The following HPSE variants were observed in gnomAD, a reference collection of about 807,000 sequenced individuals.
HPSE encodes the protein heparanase.
In HPSE, 48 loss-of-function variants were observed where a neutral mutation model predicts 65.1. The observed-to-expected ratio is 0.74, with a 90% CI of 0.58 to 0.94. HPSE has a LOEUF of 0.94. Among genes scored for constraint, HPSE ranks in the 40% least tolerant of loss-of-function variants. HPSE has a pLI of 0.00. For synonymous variants in HPSE, 243 were observed against 260.0 expected, an observed-to-expected ratio of 0.93 and a Z score of 0.63; for missense variants, 644 against 637.5, an observed-to-expected ratio of 1.01 and a Z score of -0.11.
chr4:83,311,357 C>G (rs191352504), intron 4 of HPSE, among the ~76,000 whole-genome samples: 45 of 151,922 alleles, frequency 3.0e-4, no homozygotes, highest in African/African-American at 1.0e-3. Context: ...ATAAGATACT[C>G]CAGAAAAACA....
chr4:83,311,324 T>A (rs1736367265), intron 4 of HPSE, among the ~76,000 whole-genome samples: 1 of 151,756 alleles, frequency 6.6e-6, no homozygotes, highest in Non-Finnish European at 1.5e-5. Context: ...AATAAATAAG[T>A]AAAGTAAAAC....
chr4:83,302,404 A>AGAT, intron 9 of HPSE, 136 bp from the exon 10 acceptor site: 1 of 587,030 alleles, frequency 1.7e-6, no homozygotes, highest in Admixed American at 3.3e-5. Context: ...AATAGGATTC[A>AGAT]TCTTTTTTTT....
chr4:83,319,796 C>G (rs969249871), intron 2 of HPSE, among the ~76,000 whole-genome samples: 3 of 152,066 alleles, frequency 2.0e-5, no homozygotes, highest in Non-Finnish European at 4.4e-5. Context: ...TGCAGTGGCT[C>G]ACACCTGTAA....
rs749261109 is a variant in HPSE at position 83,306,272 on chromosome 4, C to T, written c.1137G>A (p.Val379=). 127 of 1,613,812 alleles carry T rather than the reference C, an allele frequency of 7.9e-5. No homozygotes were observed. Among genetic ancestry groups the T allele is most frequent in the Non-Finnish European group, 1.0e-4 (121 of 1,179,822 alleles). Residue 379 remains valine, a synonymous_variant, in exon 9 of 12, where the codon GTG becomes GTA. Coordinates refer to ENST00000311412, the MANE Select transcript of HPSE (RefSeq NM_001098540.3). ...CTCCAAAGAATACTTGCCTCATCAC[C>T]ACTTCTATTCCCATTCGGGCTGACA... is the stretch of plus-strand genomic sequence containing the variant. ...LGLSARMGIE[V]VMRQVFFGAG...
chr4:83,328,385 T>C (rs1196463871), intron 1 of HPSE, among the ~76,000 whole-genome samples: 2 of 152,116 alleles, frequency 1.3e-5, no homozygotes, highest in Non-Finnish European at 2.9e-5. Flanking sequence ...CTCCTTGTTA[T>C]AAGGACATCA....
At chr4:83,323,470 C>T (rs763018269) in intron 1 of HPSE, among the ~76,000 whole-genome samples, 9 of 150,476 alleles carry the variant, frequency 6.0e-5, no homozygotes, top group African/African-American at 9.8e-5. Context: ...TTGCTGTGAA[C>T]CTAAAACTGC....
chr4:83,303,657 C>T (rs1158987335), intron 9 of HPSE, among the ~76,000 whole-genome samples: 1 of 152,192 alleles, frequency 6.6e-6, no homozygotes, highest in Non-Finnish European at 1.5e-5. Context: ...TAAAGCGATC[C>T]TCCTGCCTCA....
At chr4:83,310,512 A>T (rs989385401) in intron 5 of HPSE, among the ~76,000 whole-genome samples, 34 of 152,146 alleles carry the variant, frequency 2.2e-4, no homozygotes, top group African/African-American at 2.9e-4. Context: ...CTACAAAAAA[A>T]TTTTTTTAAA....
chr4:83,293,959 T>A lies in HPSE; in HGVS notation c.*1385A>T, dbSNP rs117855497. 2 of 152,234 alleles carry A rather than the reference T, an allele frequency of 1.3e-5. No homozygotes were observed. Among genetic ancestry groups the A allele is most frequent in the Non-Finnish European group, 2.9e-5 (2 of 68,042 alleles). 9.4% of individuals were successfully genotyped at this position (152,234 alleles called of 1,614,324 possible). ...ACATGAAGGAAAGAATTCTAAAATC[T>A]TCTAATACATTTTGAAAGATAAATA... On this transcript the variant is annotated 3_prime_UTR_variant, in exon 12 of 12. Coordinates refer to ENST00000311412, the MANE Select transcript of HPSE (RefSeq NM_001098540.3).
rs528652616 is a variant in HPSE at position 83,310,137 on chromosome 4, G to A, written c.843-59C>T. 3.2e-5 allele frequency: 37 copies of A among 1,141,456 alleles called. No individual in the cohort carries two copies. The African/African-American group carries it at 4.2e-4, about 13-fold the overall frequency. The allele number at this position is 1,141,456 out of a possible 1,614,324, so 70.7% of individuals were successfully genotyped here. On this transcript the variant is annotated intron_variant, in intron 5 of 11. Coordinates refer to ENST00000311412, the MANE Select transcript of HPSE (RefSeq NM_001098540.3). ...TAATACATATATATGCACAATATAC[G>A]CATGAGAGTTTTATTCCCTAGAAAT...
At chr4:83,304,390 A>G (rs1387802686) in intron 9 of HPSE, among the ~76,000 whole-genome samples, 1 of 152,220 alleles carries the variant, frequency 6.6e-6, no homozygotes, top group Non-Finnish European at 1.5e-5. Context: ...GTTTCTTCCC[A>G]GTTGCCTTTA....
At position 83,317,296 on chromosome 4, in the gene HPSE, C is replaced by T. The variant is rs552986585; in HGVS notation, c.499+2048G>A. 4.6e-5 allele frequency among the ~76,000 whole-genome samples: 7 copies of T among 152,268 alleles called. 1 individual carries two copies. In the East Asian group the frequency reaches 1.2e-3, roughly 25 times the overall value. ...TACCTCTTCTTTTGTGGTATGTCCC[C>T]ATGTCACTCAGCCATTACCAGTCTC... On this transcript the variant is annotated intron_variant, in intron 3 of 11. Transcript: ENST00000311412.
chr4:83,301,717 T>C (rs1490214117), intron 10 of HPSE, among the ~76,000 whole-genome samples: 1 of 152,180 alleles, frequency 6.6e-6, no homozygotes, highest in African/African-American at 2.4e-5. Context: ...TTGAAACCTA[T>C]CTAGAGAATA....
chr4:83,312,793 C>A (rs71631368), intron 4 of HPSE, among the ~76,000 whole-genome samples: 7,852 of 119,022 alleles, frequency 0.066, 292 homozygotes, highest in Middle Eastern at 0.15. Context: ...GTCAGGAGAT[C>A]AAGACCATCC....
chr4:83,335,053 C>T (rs1214744855), upstream of HPSE: 1 of 493,482 alleles, frequency 2.0e-6, no homozygotes. Context: ...CTTACGAAAT[C>T]ACCCACACCC....
In HPSE at chr4:83,310,778, T is replaced by C. The variant is rs1250043638; in HGVS notation, c.786A>G (p.Lys262=). The C allele has an allele frequency of 2.5e-6, 4 of 1,614,036 alleles. No individual in the cohort carries two copies. The highest frequency in any genetic ancestry group is 2.2e-5 in the East Asian group (1 of 44,866). The change falls in exon 5 of 12, where the codon AAA becomes AAG. Residue 262 remains lysine, a synonymous_variant. Coordinates refer to ENST00000311412, the MANE Select transcript of HPSE (RefSeq NM_001098540.3). ...GCTGACCAACATCAGGACCATAGAGTTTTGCATTTTTGAAGGTGGACTTTC... is the reference window on the plus strand; with the variant it reads ...GCTGACCAACATCAGGACCATAGAGCTTTGCATTTTTGAAGGTGGACTTTC... ...LLRKSTFKNA[K]LYGPDVGQPR...
upstream of HPSE, chr4:83,335,138 C>G (rs1404833718): frequency 4.5e-6 from 1 of 221,282 alleles, no homozygotes; most frequent in Non-Finnish European, 8.8e-6. Flanking sequence ...GAGGAGCGCC[C>G]GGGGAGCAGC....
At chr4:83,325,444 G>A (rs181570134) in intron 1 of HPSE, among the ~76,000 whole-genome samples, 104 of 152,276 alleles carry the variant, frequency 6.8e-4, no homozygotes, top group Non-Finnish European at 5.9e-4. Context: ...GGGATTACAG[G>A]CATGGGCCAC....
At chr4:83,332,363 G>C (rs557186245) in intron 1 of HPSE, among the ~76,000 whole-genome samples, 47 of 152,336 alleles carry the variant, frequency 3.1e-4, no homozygotes, top group African/African-American at 9.4e-4. Flanking sequence ...CCCTCTTTTA[G>C]GTCTTAGCAG....
Sources: allele counts gnomAD v4.1 joint callset (sites outside exome capture counted in the v4.1 genomes callset), GRCh38; gene constraint gnomAD v4.1.1; transcripts MANE v1.5; gene names NCBI Gene and HGNC (gene_info 2026-07-23, HGNC 2026-07-21).